Variants in NRXN3 observed in about 807,000 individuals in gnomAD.
The protein encoded by NRXN3 is neurexin 3, also known as neurexin III.
Under a neutral mutation model 137.6 loss-of-function variants are expected in NRXN3, and 32 were observed. That is an observed-to-expected ratio of 0.23 (90% CI 0.18 to 0.31). The LOEUF (loss-of-function observed/expected upper bound fraction) is 0.31. Ranked by LOEUF, NRXN3 falls within the 10% of genes least tolerant of loss-of-function variation. The pLI, the probability that NRXN3 is intolerant of heterozygous loss-of-function variation, is 1.00. For missense variants in NRXN3, 1,574 were observed against 2,062.5 expected (o/e 0.76, Z 4.59); for synonymous variants, 798 against 784.5 (o/e 1.02, Z -0.29).
chr14:79,728,377 G>A (rs2098905191), intron 19 of NRXN3, among the ~76,000 whole-genome samples: 1 of 152,170 alleles, frequency 6.6e-6, no homozygotes, highest in South Asian at 2.1e-4. Context: ...GACAGGGACA[G>A]TCCTTCCTGC....
chr14:78,712,336 C>T (rs2098413074), intron 7 of NRXN3, among the ~76,000 whole-genome samples: 1 of 152,096 alleles, frequency 6.6e-6, no homozygotes, highest in Admixed American at 6.5e-5. Context: ...TTTTGAGGAT[C>T]AAGTCCAAAA....
At chr14:78,397,503 T>C (rs562596317) in intron 4 of NRXN3, among the ~76,000 whole-genome samples, 33 of 152,276 alleles carry the variant, frequency 2.2e-4, no homozygotes, top group African/African-American at 5.1e-4. Flanking sequence ...TGTTTTTTTT[T>C]CCCATTCTTA....
At position 78,498,818 on chromosome 14, in the gene NRXN3, G is replaced by A. The variant is rs561367575; in HGVS notation, c.758-146302G>A. On this transcript the variant is annotated intron_variant, in intron 4 of 20. Coordinates refer to ENST00000335750, the MANE Select transcript of NRXN3 (RefSeq NM_001330195.2). ...CTTTTTCTTTTTTTTTGAGATGGGG[G>A]TCTCACTATATCACCCAGGCTCACC... Among the ~76,000 whole-genome samples the A allele has an allele frequency of 2.6e-4, 39 of 151,920 alleles. No individual in the cohort carries two copies. The South Asian group carries it at 7.7e-3, about 30-fold the overall frequency.
intron 15 of NRXN3, among the ~76,000 whole-genome samples, chr14:79,035,052 GA>G (rs2099613896): frequency 1.3e-5 from 2 of 152,036 alleles, no homozygotes; most frequent in African/African-American, 4.8e-5. Flanking sequence ...AAAACAGGCA[GA>G]ACTAACAAAT....
chr14:78,877,865 C>A (rs536031326), intron 10 of NRXN3, among the ~76,000 whole-genome samples: 2 of 151,952 alleles, frequency 1.3e-5, no homozygotes, highest in Admixed American at 6.6e-5. Flanking sequence ...ATGTTGGATT[C>A]GAGGAATTTA....
chr14:79,245,937 G>T (rs1022731401), intron 15 of NRXN3, among the ~76,000 whole-genome samples: 2 of 152,094 alleles, frequency 1.3e-5, no homozygotes, highest in East Asian at 1.9e-4. Flanking sequence ...AAGGGTCATA[G>T]GTCCTTAGAT....
At chr14:79,287,550 C>T (rs1217191814) in intron 15 of NRXN3, among the ~76,000 whole-genome samples, 4 of 152,118 alleles carry the variant, frequency 2.6e-5, no homozygotes, top group Admixed American at 1.3e-4. Flanking sequence ...GGGACAACTA[C>T]CTTCAGATGT....
chr14:79,183,600 T>G (rs1005491514), intron 15 of NRXN3, among the ~76,000 whole-genome samples: 2 of 152,188 alleles, frequency 1.3e-5, no homozygotes, highest in African/African-American at 4.8e-5. Context: ...GGTAAAACCT[T>G]CAAAATTCTA....
At chr14:79,557,597 A>G (rs2097443535) in intron 16 of NRXN3, among the ~76,000 whole-genome samples, 1 of 152,188 alleles carries the variant, frequency 6.6e-6, no homozygotes, top group Admixed American at 6.6e-5. Flanking sequence ...TTAAATGTGC[A>G]ATAGCATTAT....
At chr14:79,394,610 C>T (rs959268253) in intron 15 of NRXN3, among the ~76,000 whole-genome samples, 2 of 151,814 alleles carry the variant, frequency 1.3e-5, no homozygotes, top group Non-Finnish European at 2.9e-5. Flanking sequence ...ATTTTAAAAC[C>T]CTGATGCTTA....
intron 4 of NRXN3, among the ~76,000 whole-genome samples, chr14:78,485,126 G>T (rs2095540943): frequency 1.3e-5 from 2 of 152,234 alleles, no homozygotes; most frequent in South Asian, 2.1e-4. Context: ...AGGGAGCCCT[G>T]GCTCCAGGAG....
intron 20 of NRXN3, among the ~76,000 whole-genome samples, chr14:79,857,284 T>C (rs1403367967): frequency 1.3e-5 from 2 of 152,124 alleles, no homozygotes; most frequent in Non-Finnish European, 2.9e-5. Flanking sequence ...TGCAGTGGCG[T>C]GATCTCGGCT....
chr14:78,232,495 C>T (rs188942442), intron 1 of NRXN3, among the ~76,000 whole-genome samples: 151 of 152,144 alleles, frequency 9.9e-4, no homozygotes, highest in African/African-American at 3.5e-3. Flanking sequence ...AGAAAAGACT[C>T]GTAAATTGCA....
intron 4 of NRXN3, among the ~76,000 whole-genome samples, chr14:78,638,310 C>T (rs922293202): frequency 6.7e-6 from 1 of 149,026 alleles, no homozygotes; most frequent in African/African-American, 2.6e-5. Flanking sequence ...GACACAATTT[C>T]CCGTCTGCTG....
At chr14:78,927,899 A>G (rs1271532842) in intron 10 of NRXN3, among the ~76,000 whole-genome samples, 1 of 152,092 alleles carries the variant, frequency 6.6e-6, no homozygotes, top group African/African-American at 2.4e-5. Flanking sequence ...ACAGTTTGCA[A>G]ATGAGTGCCT....
At chr14:78,175,709 G>A (rs1017171593) in intron 1 of NRXN3, among the ~76,000 whole-genome samples, 3 of 152,118 alleles carry the variant, frequency 2.0e-5, no homozygotes, top group African/African-American at 4.8e-5. Flanking sequence ...TGCTGAGCTC[G>A]GGGCAGGGAC....
chr14:78,960,377 T>C (rs2099405745), intron 11 of NRXN3, among the ~76,000 whole-genome samples: 1 of 152,216 alleles, frequency 6.6e-6, no homozygotes, highest in African/African-American at 2.4e-5. Flanking sequence ...AGTTATTAAG[T>C]AGTATCTCAT....
At chr14:79,516,570 AT>A (rs1353898708) in intron 16 of NRXN3, among the ~76,000 whole-genome samples, 10 of 152,222 alleles carry the variant, frequency 6.6e-5, no homozygotes, top group Admixed American at 5.9e-4. Context: ...TGCTTTTTAA[AT>A]TTTTGAATAG....
chr14:79,257,723 A>G (rs925298919), intron 15 of NRXN3, among the ~76,000 whole-genome samples: 3 of 151,442 alleles, frequency 2.0e-5, no homozygotes, highest in African/African-American at 7.3e-5. Flanking sequence ...ACCAGAGGGA[A>G]AAAAATGACC....
Sources: allele counts gnomAD v4.1 joint callset (sites outside exome capture counted in the v4.1 genomes callset), GRCh38; gene constraint gnomAD v4.1.1; transcripts MANE v1.5; gene names NCBI Gene and HGNC (gene_info 2026-07-23, HGNC 2026-07-21).